PPP2R2B: variants seen among roughly 807,000 people sequenced by gnomAD.
The protein encoded by PPP2R2B is serine/threonine-protein phosphatase 2A 55 kDa regulatory subunit B beta isoform.
A neutral mutation model predicts 46.0 loss-of-function variants in PPP2R2B; 5 were observed. That is an observed-to-expected ratio of 0.11 (90% CI 0.06 to 0.23). The LOEUF is 0.23. Among genes scored for constraint, PPP2R2B ranks in the 10% least tolerant of loss-of-function variants. The probability of loss-of-function intolerance (pLI) is 1.00; values close to 1 mark genes in which losing one functional copy is unlikely to be tolerated. For missense variants in PPP2R2B, 367 were observed against 575.0 expected (o/e 0.64, Z 3.70); for synonymous variants, 215 against 206.7 (o/e 1.04, Z -0.34).
chr5:146,583,888 A>G lies in PPP2R2B; in HGVS notation c.*6059T>C, dbSNP rs1770012727. ...GAGGGCATCCCTAGCCAACCAGAGC[A>G]AGAATCACAGCAATCATGGCTTGTT... On this transcript the variant is annotated 3_prime_UTR_variant, in exon 10 of 10. Coordinates refer to ENST00000394411, the MANE Select transcript of PPP2R2B (RefSeq NM_181675.4). 6.6e-6 allele frequency: 1 copy of G among 152,244 alleles called. No homozygotes were observed. The highest frequency in any genetic ancestry group is 1.5e-5 in the Non-Finnish European group (1 of 68,052). 9.4% of individuals were successfully genotyped at this position (152,244 alleles called of 1,614,324 possible). A position where few individuals can be genotyped will look rare whatever the true frequency, so the allele number is the denominator to read the frequency against.
chr5:146,754,407 T>C (rs1220054664), intron 2 of PPP2R2B, among the ~76,000 whole-genome samples: 1 of 152,172 alleles, frequency 6.6e-6, no homozygotes, highest in Non-Finnish European at 1.5e-5. Flanking sequence ...TTGACCCCCA[T>C]GTATTGTCAT....
chr5:146,655,202 G>C (rs1339539242), intron 5 of PPP2R2B, among the ~76,000 whole-genome samples: 1 of 152,182 alleles, frequency 6.6e-6, no homozygotes, highest in Non-Finnish European at 1.5e-5. Context: ...TCCCAGCACT[G>C]TGTCTTGCCT....
At chr5:147,001,178 G>A (rs1429302893) in intron 1 of PPP2R2B, among the ~76,000 whole-genome samples, 2 of 152,178 alleles carry the variant, frequency 1.3e-5, no homozygotes, top group African/African-American at 2.4e-5. Context: ...GGCCAAATAA[G>A]GGAATAAAAG....
intron 1 of PPP2R2B, among the ~76,000 whole-genome samples, chr5:146,990,345 A>G (rs1186358451): frequency 6.6e-6 from 1 of 152,140 alleles, no homozygotes; most frequent in Non-Finnish European, 1.5e-5. Context: ...ATAAAGCTAT[A>G]GTAACCAAAA....
At chr5:146,802,885 G>A (rs1310160956) in intron 2 of PPP2R2B, among the ~76,000 whole-genome samples, 1 of 152,156 alleles carries the variant, frequency 6.6e-6, no homozygotes, top group South Asian at 2.1e-4. Context: ...GGACTTCTGG[G>A]GAATTGGAAG....
chr5:146,814,856 T>C (rs1757834815), intron 2 of PPP2R2B, among the ~76,000 whole-genome samples: 1 of 152,138 alleles, frequency 6.6e-6, no homozygotes, highest in Admixed American at 6.5e-5. Context: ...ATCTCTCAAG[T>C]TGTCTGCTTG....
chr5:147,002,543 C>A (rs1754226164), intron 1 of PPP2R2B, among the ~76,000 whole-genome samples: 1 of 149,378 alleles, frequency 6.7e-6, no homozygotes, highest in Non-Finnish European at 1.5e-5. Flanking sequence ...TCAGTAAGGG[C>A]CACTAAATCC....
intron 2 of PPP2R2B, among the ~76,000 whole-genome samples, chr5:146,709,564 T>G (rs1034077799): frequency 1.4e-4 from 22 of 152,200 alleles, no homozygotes; most frequent in Non-Finnish European, 2.6e-4. Context: ...GAAAGAGTTT[T>G]CTTCCCTGAA....
intron 7 of PPP2R2B, among the ~76,000 whole-genome samples, chr5:146,602,592 A>G (rs1418099730): frequency 6.6e-6 from 1 of 152,198 alleles, no homozygotes; most frequent in Non-Finnish European, 1.5e-5. Flanking sequence ...TGCCTGCTCA[A>G]TGCACTCGCA....
chr5:146,707,050 T>C (rs1199725273), intron 2 of PPP2R2B: 4 of 1,119,712 alleles, frequency 3.6e-6, no homozygotes, highest in Non-Finnish European at 4.1e-6. Context: ...ATTCTCCGTC[T>C]CTGTACTCTT....
chr5:147,055,873 G>C (rs1035605416), exon 1 of PPP2R2B: 15 of 1,458,548 alleles, frequency 1.0e-5, no homozygotes, highest in Admixed American at 2.4e-5. Context: ...TGCAAAGCTG[G>C]GGTGCCCGAG....
chr5:146,944,004 A>G (rs1169458431), intron 1 of PPP2R2B, among the ~76,000 whole-genome samples: 2 of 152,192 alleles, frequency 1.3e-5, no homozygotes, highest in African/African-American at 4.8e-5. Context: ...CCTTGTCTCA[A>G]GTGGATGACA....
exon 2 of PPP2R2B, chr5:147,081,079 A>G (rs965192141): frequency 1.3e-6 from 2 of 1,535,594 alleles, no homozygotes; most frequent in African/African-American, 1.4e-5. Flanking sequence ...TCCAATCTCG[A>G]TAGTGCCTTT....
intron 2 of PPP2R2B, among the ~76,000 whole-genome samples, chr5:146,725,521 C>G (rs1751811548): frequency 6.6e-6 from 1 of 152,164 alleles, no homozygotes; most frequent in African/African-American, 2.4e-5. Flanking sequence ...CTTAATTCTT[C>G]TATAAGTTGA....
upstream of PPP2R2B, among the ~76,000 whole-genome samples, chr5:147,059,951 C>A (rs1198923271): frequency 6.6e-6 from 1 of 152,110 alleles, no homozygotes; most frequent in Non-Finnish European, 1.5e-5. Context: ...CCTGATAATT[C>A]TCTCTTTGTA....
chr5:146,886,827 T>TA (rs530784298), intron 1 of PPP2R2B, among the ~76,000 whole-genome samples: 3,758 of 143,698 alleles, frequency 0.026, 149 homozygotes, highest in African/African-American at 0.083. Flanking sequence ...ACTTTTTTAG[T>TA]AAAAAAAAAA....
At chr5:146,772,889 C>T (rs1754957821) in intron 2 of PPP2R2B, among the ~76,000 whole-genome samples, 1 of 152,056 alleles carries the variant, frequency 6.6e-6, no homozygotes, top group Admixed American at 6.6e-5. Context: ...TAGACTAATC[C>T]CATATCATTT....
intron 2 of PPP2R2B, among the ~76,000 whole-genome samples, chr5:146,831,782 G>A (rs149143468): frequency 8.5e-5 from 13 of 152,312 alleles, no homozygotes; most frequent in Admixed American, 5.9e-4. Flanking sequence ...GGGTGACAGA[G>A]TGAGACTTCG....
Position 146,878,388 on chromosome 5 carries a change from G to A in PPP2R2B, c.-124-193C>T. Reference sequence around the variant, plus strand: ...GGTGCCAAGATACGCCGTGCCCCGAGGGGTCTGGTCCCGCCCGCCCGCCCC... The same window carrying A: ...GGTGCCAAGATACGCCGTGCCCCGAAGGGTCTGGTCCCGCCCGCCCGCCCC... On this transcript the variant is annotated intron_variant, in intron 1 of 9. Transcript: ENST00000394411. This position sits in a 1 kb window ranked among gnomAD's most constrained non-coding sequence, Gnocchi z 4.5. 7.0e-7 allele frequency: 1 copy of A among 1,429,450 alleles called. No individual in the cohort carries two copies. Among genetic ancestry groups the A allele is most frequent in the Non-Finnish European group, 9.1e-7 (1 of 1,097,808 alleles). The allele number at this position is 1,429,450 out of a possible 1,614,324, so 88.5% of individuals were successfully genotyped here.
Sources: gnomAD v4.1 joint callset for allele counts (sites outside exome capture counted in the v4.1 genomes callset) on GRCh38, gnomAD v4.1.1 for gene constraint, Gnocchi (gnomAD v3.1) non-coding constraint, MANE v1.5 for transcripts, NCBI Gene and HGNC (gene_info 2026-07-23, HGNC 2026-07-21) for gene names.